NECAB3: variants seen among roughly 807,000 people sequenced by gnomAD.
The protein encoded by NECAB3 is N-terminal EF-hand calcium binding protein 3.
Under a neutral mutation model 57.2 loss-of-function variants are expected in NECAB3, and 38 were observed. The observed-to-expected ratio is 0.66, with a 90% confidence interval of 0.51 to 0.87. NECAB3 has a LOEUF of 0.87. NECAB3 is among the 40% of genes least tolerant of loss of function. The pLI is 0.00. For synonymous variants in NECAB3, 223 were observed against 222.6 expected, an observed-to-expected ratio of 1.00 and a Z score of -0.02; for missense variants, 474 against 527.5, an observed-to-expected ratio of 0.90 and a Z score of 0.99.
At position 33,660,251 on chromosome 20, in the gene NECAB3, T is replaced by C. The variant is rs757940447; in HGVS notation, c.524+8A>G. 3 of 1,611,868 alleles carry C rather than the reference T, an allele frequency of 1.9e-6. No individual in the cohort carries two copies. The Admixed American group carries it at 5.0e-5, about 27-fold the overall frequency. On this transcript the variant is annotated splice_region_variant and intron_variant, in intron 6 of 11. Coordinates refer to ENST00000246190, the MANE Select transcript of NECAB3 (RefSeq NM_031232.4). This position sits in a 1 kb window ranked among gnomAD's most constrained non-coding sequence, Gnocchi z 4.1. ...CTAGCCCCACAGGTTGACAGCACCCTTACATACCGCCAGCCATGGGCCTGG... is the reference window on the plus strand; with the variant it reads ...CTAGCCCCACAGGTTGACAGCACCCCTACATACCGCCAGCCATGGGCCTGG...
intron 5 of NECAB3, chr20:33,665,189 A>G (rs1355491103): frequency 2.0e-5 from 3 of 151,572 alleles, no homozygotes; most frequent in African/African-American, 7.2e-5. Flanking sequence ...TAAAAACACA[A>G]TGCAGGCCAA....
rs981032920 is a variant in NECAB3, at chr20:33,661,691, C to T, written c.388-1296G>A. 5.9e-5 allele frequency among the ~76,000 whole-genome samples: 9 copies of T among 152,374 alleles called. 1 individual carries two copies. Among genetic ancestry groups the T allele is most frequent in the African/African-American group, 2.2e-4 (9 of 41,580 alleles). The stretch of plus-strand genomic sequence containing the variant: ...TCTGAGACAGAGTCTCACTGTATCA[C>T]CCAGGCTGGAGTGAAGCGGCATGAT... On this transcript the variant is annotated intron_variant, in intron 5 of 11. Transcript: ENST00000246190.
chr20:33,657,928 G>C lies in NECAB3; in HGVS notation c.1162+14C>G, dbSNP rs1228060041. 1.3e-6 allele frequency: 2 copies of C among 1,553,248 alleles called. No individual in the cohort carries two copies. Among genetic ancestry groups the C allele is most frequent in the African/African-American group, 2.7e-5 (2 of 73,268 alleles). The stretch of plus-strand genomic sequence containing the variant: ...CCCCTCCAGGGCCACAGTGAGTGGG[G>C]GTCCACCGCATACCTGGGAAGAACA... On this transcript the variant is annotated intron_variant, in intron 11 of 11. Transcript: ENST00000246190.
At chr20:33,662,489 G>A (rs1377749903) in intron 5 of NECAB3, 2 of 1,550,854 alleles carry the variant, frequency 1.3e-6, no homozygotes, top group South Asian at 2.4e-5. Context: ...CGGGGGATGG[G>A]GAGCAGGGCT....
In NECAB3 at chr20:33,663,932, G is replaced by A; in HGVS notation, c.388-3537C>T. 2.1e-5 allele frequency: 28 copies of A among 1,320,404 alleles called. No homozygotes were observed. The South Asian group carries it at 4.4e-4, about 21-fold the overall frequency. 81.8% of individuals were successfully genotyped at this position (1,320,404 alleles called of 1,614,324 possible). The stretch of plus-strand genomic sequence containing the variant: ...AACCCTGGCGCCTGCGAACCCTGTC[G>A]GAGGCGTCTGGGCGCGGAGTCGGGG... On this transcript the variant is annotated intron_variant, in intron 5 of 11. Transcript: ENST00000246190.
rs1351551020 is a variant in NECAB3, at chr20:33,659,676, G to A, written c.700C>T (p.Leu234Phe). The change falls in exon 8 of 12, where the codon CTC becomes TTC. Residue 234 changes from leucine (L) to phenylalanine (F), a missense_variant. Leu to Phe is a conservative substitution (Grantham distance 22). Transcript: ENST00000246190. ...ACCTTGCACTCGAGCTGGTCGATGA[G>A]CTCCTGGAGGCGGTTCACCTGGAGC... is the stretch of plus-strand genomic sequence containing the variant. ...WRLQVNRLQELIDQLECKVRA... is the reference protein window; with the variant it reads ...WRLQVNRLQEFIDQLECKVRA... The A allele has an allele frequency of 1.2e-6, 2 of 1,609,704 alleles. No homozygotes were observed. Among genetic ancestry groups the A allele is most frequent in the East Asian group, 4.5e-5 (2 of 44,810 alleles).
intron 11 of NECAB3, 30 bp from the exon 12 acceptor site, chr20:33,657,887 C>A (rs926602880): frequency 2.7e-5 from 42 of 1,546,522 alleles, no homozygotes; most frequent in Admixed American, 5.9e-5. Context: ...GGTCAGGAGC[C>A]CTCAGGAGCC....
At position 33,674,273 on chromosome 20, in the gene NECAB3, G is replaced by A. The variant is rs2017900264; in HGVS notation, c.80C>T (p.Pro27Leu). ...GGGCCCCGGGTCGGGCGCGAGCTGG[G>A]GGTGCCGCGGGGTCTGGGGCTGGGG... ...PQPQPQTPRHPQLAPDPGPAG... is the reference protein window; with the variant it reads ...PQPQPQTPRHLQLAPDPGPAG... The change falls in exon 1 of 12, where the codon CCC becomes CTC. Residue 27 changes from proline to leucine, a missense_variant. By Grantham distance (98) the Pro-to-Leu change is moderately conservative. Transcript: ENST00000246190. The A allele has an allele frequency of 8.1e-7, 1 of 1,229,216 alleles. No individual in the cohort carries two copies. Among genetic ancestry groups the A allele is most frequent in the Non-Finnish European group, 1.0e-6 (1 of 985,394 alleles). 76.1% of individuals were successfully genotyped at this position (1,229,216 alleles called of 1,614,324 possible).
intron 10 of NECAB3, 73 bp from the exon 11 acceptor site, chr20:33,658,106 G>A (rs1225809303): frequency 4.4e-5 from 60 of 1,365,636 alleles, no homozygotes; most frequent in Non-Finnish European, 5.1e-5. Flanking sequence ...ATCAGACCCC[G>A]GCCCTTCTCA....
Position 33,663,788 on chromosome 20 carries a change from C to A in NECAB3, c.388-3393G>T, listed in dbSNP as rs928558901. On this transcript the variant is annotated intron_variant, in intron 5 of 11. Coordinates refer to ENST00000246190, the MANE Select transcript of NECAB3 (RefSeq NM_031232.4). ...CGGCTGCTCTCGCGCTTCCGGTCCC[C>A]GGGGAAGGCTCCCCGCGAAGCCGGC... 3.5e-6 allele frequency: 5 copies of A among 1,424,670 alleles called. No individual in the cohort carries two copies. In the Middle Eastern group the frequency reaches 7.5e-4, roughly 215 times the overall value. 88.3% of individuals were successfully genotyped at this position (1,424,670 alleles called of 1,614,324 possible).
rs998347483 is a variant in NECAB3 at position 33,657,503 on chromosome 20, G to A, written c.*326C>T. Reference sequence around the variant, plus strand: ...CCCTCGCTAGGCGGCCAGATGGCCTGAGGCCCACCCAGACAGGGACGGGAC... The same window carrying A: ...CCCTCGCTAGGCGGCCAGATGGCCTAAGGCCCACCCAGACAGGGACGGGAC... On this transcript the variant is annotated 3_prime_UTR_variant, in exon 12 of 12. Coordinates refer to ENST00000246190, the MANE Select transcript of NECAB3 (RefSeq NM_031232.4). 14 of 361,650 alleles carry A rather than the reference G, an allele frequency of 3.9e-5. No homozygotes were observed. The highest frequency in any genetic ancestry group is 2.3e-4 in the African/African-American group (11 of 47,956). 22.4% of individuals were successfully genotyped at this position (361,650 alleles called of 1,614,324 possible).
In NECAB3 at chr20:33,660,979, G is replaced by T. The variant is rs2017457904; in HGVS notation, c.388-584C>A. ...CAGCCTCCTCCCAGCCCCTCTCAGG[G>T]TGGCAGAGAGGCAGGGAGGCTGCCC... On this transcript the variant is annotated intron_variant, in intron 5 of 11. Transcript: ENST00000246190. This position sits in a 1 kb window ranked among gnomAD's most constrained non-coding sequence, Gnocchi z 4.1. Among the ~76,000 whole-genome samples the T allele has an allele frequency of 6.6e-6, 1 of 152,162 alleles. No homozygotes were observed. The highest frequency in any genetic ancestry group is 1.5e-5 in the Non-Finnish European group (1 of 68,028).
chr20:33,670,665 G>A lies in NECAB3; in HGVS notation c.263+19C>T, dbSNP rs558301689. ...ACAACCTGGCCTCGCATCTACCCAC[G>A]GCCCCCTCTCATACTCACTCGGTGA... On this transcript the variant is annotated intron_variant, in intron 3 of 11. Transcript: ENST00000246190. 23 of 1,574,306 alleles carry A rather than the reference G, an allele frequency of 1.5e-5. No individual in the cohort carries two copies. Among genetic ancestry groups the A allele is most frequent in the South Asian group, 9.0e-5 (8 of 89,382 alleles).
intron 10 of NECAB3, 82 bp from the exon 11 acceptor site, chr20:33,658,115 C>T: frequency 8.0e-7 from 1 of 1,256,750 alleles, no homozygotes; most frequent in East Asian, 2.5e-5. Context: ...CGGCCCTTCT[C>T]ACACTGCCTC....
At chr20:33,665,780 G>C (rs2017628795) in intron 5 of NECAB3, among the ~76,000 whole-genome samples, 1 of 152,158 alleles carries the variant, frequency 6.6e-6, no homozygotes, top group African/African-American at 2.4e-5. Context: ...TGCACAGTGA[G>C]TCAGCTTCAG....
At chr20:33,667,502 C>A in intron 5 of NECAB3, 2 of 1,514,874 alleles carry the variant, frequency 1.3e-6, no homozygotes, top group Non-Finnish European at 8.8e-7. Flanking sequence ...TGCCACATGG[C>A]TAGCACCGCG....
chr20:33,667,556 T>C lies in NECAB3; in HGVS notation c.387+1819A>G, dbSNP rs750245382. Reference sequence around the variant, plus strand: ...ACCGGCGCGTTCAGCGGGCTGGCCGTGGAGGCGGGCGCGGGCGTGTGCCAC... The same window carrying C: ...ACCGGCGCGTTCAGCGGGCTGGCCGCGGAGGCGGGCGCGGGCGTGTGCCAC... On this transcript the variant is annotated intron_variant, in intron 5 of 11. Coordinates refer to ENST00000246190, the MANE Select transcript of NECAB3 (RefSeq NM_031232.4). The C allele has an allele frequency of 1.5e-5, 23 of 1,553,670 alleles. No individual in the cohort carries two copies. The East Asian group carries it at 2.2e-4, about 15-fold the overall frequency.
chr20:33,674,505 T>C, upstream of NECAB3: 1 of 712,728 alleles, frequency 1.4e-6, no homozygotes, highest in Non-Finnish European at 1.7e-6. Flanking sequence ...CCGGGTTCCC[T>C]CGCCTCAAGG....
chr20:33,657,995 A>T lies in NECAB3; in HGVS notation c.1109T>A (p.Ile370Asn). The part of the protein sequence containing the change: ...QSPGSKAFQR[I>N]LIDHLRAPDT... ...CGGGGCCCGCAGGTGGTCGATGAGGATGCGCTGGAAGGCCTTGCTGCCAGG... is the reference window on the plus strand; with the variant it reads ...CGGGGCCCGCAGGTGGTCGATGAGGTTGCGCTGGAAGGCCTTGCTGCCAGG... The change falls in exon 11 of 12, where the codon ATC becomes AAC. Residue 370 changes from isoleucine to asparagine, a missense_variant. Transcript: ENST00000246190. 6.4e-7 allele frequency: 1 copy of T among 1,555,652 alleles called. No individual in the cohort carries two copies. The highest frequency in any genetic ancestry group is 8.7e-7 in the Non-Finnish European group (1 of 1,149,536).
Sources: allele counts gnomAD v4.1 joint callset (sites outside exome capture counted in the v4.1 genomes callset), GRCh38; gene constraint gnomAD v4.1.1; non-coding constraint Gnocchi (gnomAD v3.1); transcripts MANE v1.5; gene names NCBI Gene and HGNC (gene_info 2026-07-23, HGNC 2026-07-21).